HSD17B11: variants seen among roughly 807,000 people sequenced by gnomAD.
HSD17B11 encodes the protein estradiol 17-beta-dehydrogenase 11.
In HSD17B11, 22 loss-of-function variants were observed where a neutral mutation model predicts 27.8. That is an observed-to-expected ratio of 0.79 (90% confidence interval 0.56 to 1.13). The LOEUF (loss-of-function observed/expected upper bound fraction) is 1.13. Among genes scored for constraint, HSD17B11 ranks in the 50% most tolerant of loss-of-function variants. The pLI, the probability that HSD17B11 is intolerant of heterozygous loss-of-function variation, is 0.00. For synonymous variants in HSD17B11, 117 were observed against 132.8 expected, an observed-to-expected ratio of 0.88 and a Z score of 0.82; for missense variants, 314 against 351.1, an observed-to-expected ratio of 0.89 and a Z score of 0.84.
At chr4:87,365,636 G>A (rs558719620) in intron 4 of HSD17B11, among the ~76,000 whole-genome samples, 78 of 152,026 alleles carry the variant, frequency 5.1e-4, no homozygotes, top group African/African-American at 1.7e-3. Flanking sequence ...CTTAACCAAC[G>A]TTTTCATCAA....
intron 2 of HSD17B11, among the ~76,000 whole-genome samples, chr4:87,380,101 A>G (rs956299602): frequency 7.7e-6 from 1 of 130,398 alleles, no homozygotes; most frequent in East Asian, 2.4e-4. Context: ...ACAGAGCAAG[A>G]CTCTGTCTCA....
chr4:87,381,946 C>T (rs892973455), intron 2 of HSD17B11, among the ~76,000 whole-genome samples: 17 of 152,146 alleles, frequency 1.1e-4, no homozygotes, highest in African/African-American at 2.6e-4. Flanking sequence ...GAGATGAAGG[C>T]GCATGGGAGG....
intron 2 of HSD17B11, among the ~76,000 whole-genome samples, chr4:87,377,456 A>AT (rs1735854358): frequency 6.6e-6 from 1 of 152,210 alleles, no homozygotes; most frequent in Non-Finnish European, 1.5e-5. Flanking sequence ...TCTCAAAAAA[A>AT]AAAAAGACTA....
At chr4:87,377,643 C>CA (rs1405349372) in intron 2 of HSD17B11, among the ~76,000 whole-genome samples, 1 of 152,048 alleles carries the variant, frequency 6.6e-6, no homozygotes, top group African/African-American at 2.4e-5. Flanking sequence ...GGTAGCAATG[C>CA]AAAAATACCT....
intron 5 of HSD17B11, among the ~76,000 whole-genome samples, chr4:87,347,008 G>T (rs1452327952): frequency 2.7e-5 from 4 of 150,326 alleles, no homozygotes; most frequent in African/African-American, 9.7e-5. Context: ...AGATTATGCT[G>T]TATTATACCT....
Position 87,378,938 on chromosome 4 carries a change from A to T in HSD17B11, c.318+3317T>A, listed in dbSNP as rs1355377550. On this transcript the variant is annotated intron_variant, in intron 2 of 6. Transcript: ENST00000358290. Reference sequence around the variant, plus strand: ...TATATAAATATATATAAATATATATATATATATATTTATATATATATATTT... The same window carrying T: ...TATATAAATATATATAAATATATATTTATATATATTTATATATATATATTT... Among the ~76,000 whole-genome samples, 142 of 21,538 alleles carry T rather than the reference A, an allele frequency of 6.6e-3. 17 individuals are homozygous for T. The highest frequency in any genetic ancestry group is 0.039 in the Middle Eastern group (3 of 76). 14.1% of individuals were successfully genotyped at this position (21,538 alleles called of 152,430 possible).
intron 4 of HSD17B11, among the ~76,000 whole-genome samples, chr4:87,370,566 C>A (rs1408915327): frequency 1.3e-5 from 2 of 150,526 alleles, no homozygotes; most frequent in East Asian, 4.0e-4. Flanking sequence ...CAGGCACGTA[C>A]CACACACCCA....
chr4:87,343,134 A>C (rs1238927279), intron 5 of HSD17B11, among the ~76,000 whole-genome samples: 1 of 152,184 alleles, frequency 6.6e-6, no homozygotes, highest in Non-Finnish European at 1.5e-5. Flanking sequence ...TTTCTAGTGT[A>C]CCCGATTTCT....
intron 1 of HSD17B11, among the ~76,000 whole-genome samples, chr4:87,383,339 G>A (rs1720222126): frequency 6.6e-6 from 1 of 152,194 alleles, no homozygotes; most frequent in Non-Finnish European, 1.5e-5. Flanking sequence ...CTGATGTATG[G>A]AGGGTGGATT....
intron 2 of HSD17B11, among the ~76,000 whole-genome samples, chr4:87,375,219 T>C (rs78319440): frequency 0.023 from 3,501 of 152,286 alleles, 64 homozygotes; most frequent in Non-Finnish European, 0.034. Flanking sequence ...GACTCTTGTT[T>C]TTCTGCTAGA....
chr4:87,358,017 G>A (rs1365658294), intron 4 of HSD17B11, among the ~76,000 whole-genome samples: 28 of 135,464 alleles, frequency 2.1e-4, no homozygotes, highest in African/African-American at 6.1e-4. Context: ...GCTGGAGTGC[G>A]GTGGTGCGAT....
rs868258781 is a variant in HSD17B11, at chr4:87,347,122, T to C, written c.696-6516A>G. Among the ~76,000 whole-genome samples, 42 of 83,352 alleles carry C rather than the reference T, an allele frequency of 5.0e-4. 3 individuals carry two copies. The highest frequency in any genetic ancestry group is 2.9e-3 in the East Asian group (13 of 4,524). 54.7% of individuals were successfully genotyped at this position (83,352 alleles called of 152,430 possible). A position where few individuals can be genotyped will look rare whatever the true frequency, so the allele number is the denominator to read the frequency against. Reference sequence around the variant, plus strand: ...TTCTGGATTTTTTTTTTTTCTTTTTTTTTTTTTTTTTTTTATTATACTCTA... The same window carrying C: ...TTCTGGATTTTTTTTTTTTCTTTTTCTTTTTTTTTTTTTTATTATACTCTA... On this transcript the variant is annotated intron_variant, in intron 5 of 6. Coordinates refer to ENST00000358290, the MANE Select transcript of HSD17B11 (RefSeq NM_016245.5).
chr4:87,380,863 C>CAAAAAAAAAAAAAAAA (rs561938045), intron 2 of HSD17B11, among the ~76,000 whole-genome samples: 91 of 74,724 alleles, frequency 1.2e-3, no homozygotes, highest in Non-Finnish European at 1.7e-3. Flanking sequence ...GACTCTATCT[C>CAAAAAAAAAAAAAAAA]AAAAAAAAAA....
chr4:87,389,222 A>AT, intron 1 of HSD17B11, among the ~76,000 whole-genome samples: 1 of 151,878 alleles, frequency 6.6e-6, no homozygotes, highest in East Asian at 1.9e-4. Flanking sequence ...ATTTAATTTA[A>AT]TTAATTTATT....
At chr4:87,364,639 T>C (rs554336211) in intron 4 of HSD17B11, among the ~76,000 whole-genome samples, 1 of 152,336 alleles carries the variant, frequency 6.6e-6, no homozygotes, top group South Asian at 2.1e-4. Flanking sequence ...AATGGGCTGA[T>C]TGGCTTTAGG....
In HSD17B11 at chr4:87,391,019, A is replaced by G; in HGVS notation, c.52T>C (p.Ser18Pro). ...LLLLPLLIVC[S>P]LESFVKLFIP... ...AAAAGCTTCACGAAGGACTCTAGGG[A>G]GCAGACGATCAGTAACGGGAGAAGC... Residue 18 changes from serine to proline, a missense_variant, in exon 1 of 7, where the codon TCC becomes CCC. Ser to Pro is a moderately conservative substitution (Grantham distance 74). Coordinates refer to ENST00000358290, the MANE Select transcript of HSD17B11 (RefSeq NM_016245.5). 1 of 1,613,942 alleles carries G rather than the reference A, an allele frequency of 6.2e-7. No individual in the cohort carries two copies. Among genetic ancestry groups the G allele is most frequent in the Non-Finnish European group, 8.5e-7 (1 of 1,179,992 alleles).
rs760051322 is a variant in HSD17B11, at chr4:87,374,820, T to A, written c.329A>T (p.Glu110Val). The A allele has an allele frequency of 1.3e-6, 2 of 1,577,214 alleles. No homozygotes were observed. Among genetic ancestry groups the A allele is most frequent in the East Asian group, 4.5e-5 (2 of 44,448 alleles). The part of the protein sequence containing the change: ...IYSSAKKVKA[E>V]IGDVSILVNN... ...TACTAAAATACTAACATCTCCAATT[T>A]CTGCCTTCACCTTCAAAAAATAAAA... The change falls in exon 3 of 7, where the codon GAA becomes GTA. Residue 110 changes from glutamate to valine, a missense_variant. Transcript: ENST00000358290.
At chr4:87,381,659 T>C (rs2110131999) in intron 2 of HSD17B11, among the ~76,000 whole-genome samples, 1 of 150,734 alleles carries the variant, frequency 6.6e-6, no homozygotes, top group South Asian at 2.1e-4. Context: ...CTTGGGAGGC[T>C]GAGGTGGGAG....
intron 4 of HSD17B11, among the ~76,000 whole-genome samples, chr4:87,360,689 T>TA (rs1409023107): frequency 6.6e-6 from 1 of 152,194 alleles, no homozygotes; most frequent in Non-Finnish European, 1.5e-5. Flanking sequence ...TTCTGGTAGA[T>TA]ATCTGGCCAT....
Sources: allele counts gnomAD v4.1 joint callset (sites outside exome capture counted in the v4.1 genomes callset), GRCh38; gene constraint gnomAD v4.1.1; transcripts MANE v1.5; gene names NCBI Gene and HGNC (gene_info 2026-07-23, HGNC 2026-07-21).